The following MYRIP variants were observed in gnomAD, a reference collection of about 807,000 sequenced individuals.
MYRIP encodes myosin VIIA and Rab interacting protein.
Under a neutral mutation model 98.0 loss-of-function variants are expected in MYRIP, and 49 were observed. The observed-to-expected ratio is 0.50, with a 90% CI of 0.40 to 0.63. The LOEUF is 0.63. Ranked by LOEUF, MYRIP falls within the 30% of genes least tolerant of loss-of-function variation. The pLI is 0.00. For synonymous variants in MYRIP, 404 were observed against 409.5 expected (o/e 0.99, Z 0.16); for missense variants, 1,004 against 1,058.2 (o/e 0.95, Z 0.71).
chr3:39,972,651 TGATTATGCTTC>T (rs1162008451), intron 2 of MYRIP, among the ~76,000 whole-genome samples: 1 of 152,094 alleles, frequency 6.6e-6, no homozygotes, highest in Non-Finnish European at 1.5e-5. Flanking sequence ...GGACATGTTC[TGATTATGCTTC>T]GGCAGATTAA....
At position 40,188,106 on chromosome 3, in the gene MYRIP, C is replaced by A. The variant is rs529071032; in HGVS notation, c.1028-1720C>A. Among the ~76,000 whole-genome samples the A allele has an allele frequency of 3.3e-5, 5 of 152,332 alleles. No individual in the cohort carries two copies. In the East Asian group the frequency reaches 9.6e-4, roughly 29 times the overall value. ...TAACTCGATGTCCTGCCAGTCTGAG[C>A]TGCAGTCAGGCAGTGGAAGTGGAAC... On this transcript the variant is annotated intron_variant, in intron 9 of 16. Coordinates refer to ENST00000302541, the MANE Select transcript of MYRIP (RefSeq NM_015460.4).
intron 2 of MYRIP, among the ~76,000 whole-genome samples, chr3:39,922,674 G>C (rs904276602): frequency 6.6e-6 from 1 of 152,174 alleles, no homozygotes; most frequent in Non-Finnish European, 1.5e-5. Context: ...TGAGGACCCT[G>C]GACTTCTGAC....
intron 16 of MYRIP, 76 bp downstream of exon 16, chr3:40,252,075 T>TGCGGGAGCTACAGA: frequency 8.8e-7 from 1 of 1,140,780 alleles, no homozygotes; most frequent in Non-Finnish European, 1.3e-6. Context: ...TTTCCTTCTG[T>TGCGGGAGCTACAGA]AGCTCCCGCA....
intron 3 of MYRIP, among the ~76,000 whole-genome samples, chr3:40,084,355 CGATAGATAATACACATCTATGTATTATA>C (rs1948559590): frequency 1.5e-5 from 1 of 68,040 alleles, no homozygotes; most frequent in African/African-American, 5.9e-5. Flanking sequence ...TATTATATAT[CGATAGATAATACACATCTATGTATTATA>C]TATCGATAGA....
intron 2 of MYRIP, among the ~76,000 whole-genome samples, chr3:39,940,112 T>A (rs1483473010): frequency 6.6e-6 from 1 of 152,128 alleles, no homozygotes; most frequent in Non-Finnish European, 1.5e-5. Context: ...GTACATATTT[T>A]TATATATGTG....
At chr3:40,039,188 AT>A (rs1947455579) in intron 2 of MYRIP, among the ~76,000 whole-genome samples, 1 of 152,098 alleles carries the variant, frequency 6.6e-6, no homozygotes, top group Non-Finnish European at 1.5e-5. Context: ...AAAAGAAGGG[AT>A]TTGTCCATGC....
At chr3:39,839,280 G>A (rs1018257552) in intron 1 of MYRIP, among the ~76,000 whole-genome samples, 1 of 149,854 alleles carries the variant, frequency 6.7e-6, no homozygotes, top group African/African-American at 2.5e-5. Context: ...TTCTTAAGAC[G>A]GAGTCTCACT....
At chr3:39,973,013 G>A (rs1478124581) in intron 2 of MYRIP, among the ~76,000 whole-genome samples, 1 of 151,896 alleles carries the variant, frequency 6.6e-6, no homozygotes, top group East Asian at 1.9e-4. Flanking sequence ...GTATATATGT[G>A]TGTTCATATT....
At chr3:39,925,275 G>A (rs1325034231) in intron 2 of MYRIP, among the ~76,000 whole-genome samples, 1 of 151,972 alleles carries the variant, frequency 6.6e-6, no homozygotes, top group Admixed American at 6.6e-5. Context: ...TATCAATATA[G>A]ACTTTGTCTA....
chr3:40,205,597 G>T (rs1449375657), intron 10 of MYRIP, among the ~76,000 whole-genome samples: 1 of 152,084 alleles, frequency 6.6e-6, no homozygotes, highest in Non-Finnish European at 1.5e-5. Context: ...TACAGACATT[G>T]CTCATAGTTA....
intron 1 of MYRIP, among the ~76,000 whole-genome samples, chr3:39,889,051 A>G (rs915111044): frequency 2.0e-5 from 3 of 152,104 alleles, no homozygotes; most frequent in Admixed American, 1.3e-4. Context: ...GAGGATGTGG[A>G]GAAATAGGAA....
chr3:39,810,133 C>T (rs1048212868), intron 1 of MYRIP, among the ~76,000 whole-genome samples: 66 of 152,368 alleles, frequency 4.3e-4, no homozygotes, highest in African/African-American at 1.3e-3. Context: ...GCTCAGGGAT[C>T]ATCGCGGAGC....
chr3:39,949,129 T>A (rs74683026), intron 2 of MYRIP, among the ~76,000 whole-genome samples: 1 of 152,080 alleles, frequency 6.6e-6, no homozygotes, highest in African/African-American at 2.4e-5. Flanking sequence ...CTGAAAGAGA[T>A]CCAGGCTTGA....
chr3:40,063,356 T>C (rs1948058257), intron 3 of MYRIP, among the ~76,000 whole-genome samples: 1 of 152,196 alleles, frequency 6.6e-6, no homozygotes, highest in African/African-American at 2.4e-5. Flanking sequence ...ATTGATCATT[T>C]TCCATGTTTA....
At chr3:40,095,335 G>A (rs1948805840) in intron 3 of MYRIP, among the ~76,000 whole-genome samples, 1 of 152,258 alleles carries the variant, frequency 6.6e-6, no homozygotes, top group South Asian at 2.1e-4. Context: ...GAGAGGGTGA[G>A]TCCGCTTCTA....
chr3:39,921,226 A>C (rs1314134386), intron 2 of MYRIP, among the ~76,000 whole-genome samples: 3 of 152,202 alleles, frequency 2.0e-5, no homozygotes, highest in Non-Finnish European at 4.4e-5. Flanking sequence ...TCATTTTCTA[A>C]ATGTAGATTC....
At chr3:39,821,497 C>T (rs1234101519) in intron 1 of MYRIP, among the ~76,000 whole-genome samples, 1 of 146,992 alleles carries the variant, frequency 6.8e-6, no homozygotes, top group Non-Finnish European at 1.5e-5. Flanking sequence ...TATTTCTTTC[C>T]TATTTCTTTG....
chr3:40,183,388 A>T (rs1950943349), intron 9 of MYRIP, among the ~76,000 whole-genome samples: 1 of 152,228 alleles, frequency 6.6e-6, no homozygotes, highest in African/African-American at 2.4e-5. Flanking sequence ...ACATGGGGCA[A>T]GTCAGCTTGC....
chr3:39,957,045 C>T (rs1236476485), intron 2 of MYRIP, among the ~76,000 whole-genome samples: 1 of 151,760 alleles, frequency 6.6e-6, no homozygotes, highest in East Asian at 1.9e-4. Context: ...TAATAGCCTA[C>T]CAACCAAAAA....
Sources: gnomAD v4.1 joint callset for allele counts (sites outside exome capture counted in the v4.1 genomes callset) on GRCh38, gnomAD v4.1.1 for gene constraint, MANE v1.5 for transcripts, NCBI Gene and HGNC (gene_info 2026-07-23, HGNC 2026-07-21) for gene names.